Variants in DDX31 observed in about 807,000 individuals in gnomAD.
The protein encoded by DDX31 is DEAD-box helicase 31.
In DDX31, 70 loss-of-function variants were observed where a neutral mutation model predicts 91.3. The ratio of observed to expected loss-of-function variants is 0.77; its 90% CI spans 0.63 to 0.94. DDX31 has a LOEUF of 0.94. Among genes scored for constraint, DDX31 ranks in the 40% least tolerant of loss-of-function variants. The pLI, the probability that DDX31 is intolerant of heterozygous loss-of-function variation, is 0.00. For missense variants in DDX31, 902 were observed against 925.0 expected, an observed-to-expected ratio of 0.98 and a Z score of 0.32; for synonymous variants, 362 against 350.6, an observed-to-expected ratio of 1.03 and a Z score of -0.36.
Position 132,612,015 on chromosome 9 carries a change from G to A in DDX31, c.1994+72C>T, listed in dbSNP as rs1831367159. The A allele has an allele frequency of 3.2e-6, 5 of 1,545,162 alleles. No individual in the cohort carries two copies. The East Asian group carries it at 9.1e-5, about 28-fold the overall frequency. ...GTGAGAAGAGAGTTGCGGTGAGCAT[G>A]GCAGCTAGCACATCACATCATGTGA... On this transcript the variant is annotated intron_variant, in intron 19 of 19. Transcript: ENST00000372159.
chr9:132,599,402 A>G (rs186281002), intron 19 of DDX31, among the ~76,000 whole-genome samples: 1 of 152,250 alleles, frequency 6.6e-6, no homozygotes, highest in Non-Finnish European at 1.5e-5. Context: ...AATGTTTTTA[A>G]TATACATAAA....
intron 19 of DDX31, among the ~76,000 whole-genome samples, chr9:132,610,241 G>A (rs1000135460): frequency 1.3e-5 from 2 of 152,180 alleles, no homozygotes; most frequent in Non-Finnish European, 2.9e-5. Context: ...CTCGAGCAGA[G>A]GATGAGCAGA....
At chr9:132,611,983 G>T in intron 19 of DDX31, 104 bp downstream of exon 19, 1 of 1,432,484 alleles carries the variant, frequency 7.0e-7, no homozygotes, top group Non-Finnish European at 9.4e-7. Flanking sequence ...GAGAAGGGCA[G>T]GTATGAGTGA....
chr9:132,632,616 G>A (rs1221165151), intron 14 of DDX31, among the ~76,000 whole-genome samples: 2 of 151,986 alleles, frequency 1.3e-5, no homozygotes, highest in Non-Finnish European at 2.9e-5. Context: ...GGTGTGTTCT[G>A]GAACATCTCC....
In DDX31 at chr9:132,658,681, G is replaced by T; in HGVS notation, c.578C>A (p.Ser193Ter). The change falls in exon 6 of 20, where the codon TCA (serine) becomes TAA (stop). Residue 193 changes from serine (S) to a stop codon, truncating the protein, a stop_gained. Transcript: ENST00000372159. LOFTEE classifies it high-confidence loss of function. ...ACATTTGATACACACCTGTATTTTT[G>T]ACTCCATTGCTTGAAGGGACTGGAC... ...PVVQSLQAME[S>*]KIQRSDGPYA... The T allele has an allele frequency of 6.2e-7, 1 of 1,613,342 alleles. No homozygotes were observed. The highest frequency in any genetic ancestry group is 1.1e-5 in the South Asian group (1 of 90,874).
intron 3 of DDX31, 115 bp downstream of exon 3, chr9:132,662,146 A>G: frequency 9.8e-7 from 1 of 1,016,278 alleles, no homozygotes; most frequent in Non-Finnish European, 1.5e-6. Flanking sequence ...CAGGTAACTT[A>G]GAGCAGAAAC....
At chr9:132,620,584 C>T (rs1184126620) in intron 17 of DDX31, among the ~76,000 whole-genome samples, 1 of 151,196 alleles carries the variant, frequency 6.6e-6, no homozygotes, top group African/African-American at 2.5e-5. Flanking sequence ...ATATACAATA[C>T]TTAGGAAAAA....
rs1241858265 is a variant in DDX31 at position 132,669,954 on chromosome 9, T to C, written c.-20A>G. Reference sequence around the variant, plus strand: ...TGCCATGGTCTGCGTGGGTGACGCGTGGTGCAGCAGCGAGCCCGGTGCGCA... The same window carrying C: ...TGCCATGGTCTGCGTGGGTGACGCGCGGTGCAGCAGCGAGCCCGGTGCGCA... On this transcript the variant is annotated 5_prime_UTR_variant, in exon 1 of 20. Coordinates refer to ENST00000372159, the MANE Select transcript of DDX31 (RefSeq NM_022779.9). 2.5e-6 allele frequency: 4 copies of C among 1,584,920 alleles called. No homozygotes were observed. The South Asian group carries it at 3.4e-5, about 14-fold the overall frequency.
chr9:132,660,550 GA>G (rs1834871447), intron 4 of DDX31, among the ~76,000 whole-genome samples: 1 of 152,192 alleles, frequency 6.6e-6, no homozygotes, highest in Non-Finnish European at 1.5e-5. Context: ...TGGACATGCT[GA>G]AATGTGTGTC....
chr9:132,623,324 G>A (rs189130567), intron 17 of DDX31, among the ~76,000 whole-genome samples: 91 of 151,756 alleles, frequency 6.0e-4, no homozygotes, highest in African/African-American at 2.1e-3. Flanking sequence ...TTGGGAGGCT[G>A]AGGCGGGCGG....
intron 7 of DDX31, 41 bp from the exon 8 acceptor site, chr9:132,651,157 CCCT>C: frequency 6.5e-7 from 1 of 1,529,204 alleles, no homozygotes; most frequent in Non-Finnish European, 8.9e-7. Flanking sequence ...AACAGGATCC[CCCT>C]TTTTTTTTTT....
In DDX31 at chr9:132,630,332, C is replaced by A; in HGVS notation, c.1563G>T (p.Gly521=). The stretch of plus-strand genomic sequence containing the variant: ...AAGGAGCCAAAATGAGCAGGCTGCT[C>A]CCATGGCAGCCAATCCGGGCGGTTC... ...IGRTARIGCH[G]SSLLILAPSE... Residue 521 remains glycine, a synonymous_variant, in exon 16 of 20, where the codon GGG becomes GGT. Coordinates refer to ENST00000372159, the MANE Select transcript of DDX31 (RefSeq NM_022779.9). 6.2e-7 allele frequency: 1 copy of A among 1,604,042 alleles called. No homozygotes were observed. The highest frequency in any genetic ancestry group is 1.1e-5 in the South Asian group (1 of 90,466).
chr9:132,617,511 A>T (rs1831720141), intron 18 of DDX31, among the ~76,000 whole-genome samples: 1 of 152,160 alleles, frequency 6.6e-6, no homozygotes, highest in African/African-American at 2.4e-5. Flanking sequence ...TGTCAAATGA[A>T]TGGTTTTTAA....
In DDX31 at chr9:132,650,304, G is replaced by C; in HGVS notation, c.676-6C>G. On this transcript the variant is annotated splice_polypyrimidine_tract_variant and splice_region_variant and intron_variant, in intron 8 of 19. Coordinates refer to ENST00000372159, the MANE Select transcript of DDX31 (RefSeq NM_022779.9). ...GGCACAATCCAGGTGAAAGGCTACAGAAAGACAGCAGACCACAGTCAGTGC... is the reference window on the plus strand; with the variant it reads ...GGCACAATCCAGGTGAAAGGCTACACAAAGACAGCAGACCACAGTCAGTGC... 6.2e-7 allele frequency: 1 copy of C among 1,614,066 alleles called. No homozygotes were observed. The highest frequency in any genetic ancestry group is 8.5e-7 in the Non-Finnish European group (1 of 1,179,926).
At chr9:132,599,279 A>T (rs568290742) in intron 19 of DDX31, among the ~76,000 whole-genome samples, 1 of 152,378 alleles carries the variant, frequency 6.6e-6, no homozygotes, top group Admixed American at 6.5e-5. Flanking sequence ...GCCAAAAATC[A>T]GTAATGCAAG....
chr9:132,630,174 C>G, intron 16 of DDX31, 90 bp downstream of exon 16: 1 of 1,410,196 alleles, frequency 7.1e-7, no homozygotes, highest in Non-Finnish European at 9.5e-7. Context: ...AATGGCTCTT[C>G]GTCAGCTTAC....
At chr9:132,623,725 C>T (rs1832206328) in intron 17 of DDX31, among the ~76,000 whole-genome samples, 1 of 151,814 alleles carries the variant, frequency 6.6e-6, no homozygotes, top group Non-Finnish European at 1.5e-5. Context: ...CAAGGTCACA[C>T]ACTGGTGACA....
rs1375694620 is a variant in DDX31 at position 132,625,760 on chromosome 9, G to C, written c.1632-15C>G. ...TCTCAGAAACGCTGTAAAAGGAAGG[G>C]CACAGCAAGGTAACTTTTTGCTCTT... On this transcript the variant is annotated splice_polypyrimidine_tract_variant and intron_variant, in intron 16 of 19. Coordinates refer to ENST00000372159, the MANE Select transcript of DDX31 (RefSeq NM_022779.9). The C allele has an allele frequency of 1.9e-6, 3 of 1,608,032 alleles. No homozygotes were observed. In the African/African-American group the frequency reaches 4.0e-5, roughly 22 times the overall value.
At chr9:132,596,367 T>C (rs909952427) in intron 19 of DDX31, among the ~76,000 whole-genome samples, 2 of 152,202 alleles carry the variant, frequency 1.3e-5, no homozygotes, top group African/African-American at 4.8e-5. Flanking sequence ...AATGGTGTTT[T>C]CTATTGCAAC....
Sources: allele counts gnomAD v4.1 joint callset (sites outside exome capture counted in the v4.1 genomes callset), GRCh38; gene constraint gnomAD v4.1.1; transcripts MANE v1.5; gene names NCBI Gene and HGNC (gene_info 2026-07-23, HGNC 2026-07-21).